The following GDAP2 variants were observed in gnomAD, a reference collection of about 807,000 sequenced individuals.
GDAP2 encodes ganglioside induced differentiation associated protein 2.
A neutral mutation model predicts 67.0 loss-of-function variants in GDAP2; 51 were observed. That is an observed-to-expected ratio of 0.76 (90% CI 0.61 to 0.96). The LOEUF (loss-of-function observed/expected upper bound fraction) is 0.96. Ranked by LOEUF, GDAP2 falls within the 40% of genes least tolerant of loss-of-function variation. The pLI is 0.00. For synonymous variants in GDAP2, 203 were observed against 207.3 expected (o/e 0.98, Z 0.18); for missense variants, 547 against 588.3 (o/e 0.93, Z 0.73).
At position 117,870,165 on chromosome 1, in the gene GDAP2, C is replaced by T. The variant is rs868759236; in HGVS notation, c.*404G>A. ...GCAAACAATGCATCTGGTTAGCATA[C>T]ATTGGTTCTGTATATTTCGAGAATC... On this transcript the variant is annotated 3_prime_UTR_variant, in exon 14 of 14. Transcript: ENST00000369443. 5 of 198,924 alleles carry T rather than the reference C, an allele frequency of 2.5e-5. No homozygotes were observed. In the South Asian group the frequency reaches 5.2e-4, roughly 21 times the overall value. 12.3% of individuals were successfully genotyped at this position (198,924 alleles called of 1,614,324 possible). A position where few individuals can be genotyped will look rare whatever the true frequency, so the allele number is the denominator to read the frequency against.
At chr1:117,881,789 A>G in intron 12 of GDAP2, 34 bp downstream of exon 12, 1 of 1,158,212 alleles carries the variant, frequency 8.6e-7, no homozygotes, top group Non-Finnish European at 1.3e-6. Context: ...GTGCACATAA[A>G]TTCTAGATTT....
chr1:117,883,389 G>T (rs1259945360), intron 11 of GDAP2, 99 bp downstream of exon 11: 2 of 857,112 alleles, frequency 2.3e-6, no homozygotes, highest in Non-Finnish European at 1.9e-6. Context: ...TTTGTTACAT[G>T]AAATATCCTT....
intron 1 of GDAP2, among the ~76,000 whole-genome samples, chr1:117,925,525 T>C (rs1191646505): frequency 6.6e-6 from 1 of 152,206 alleles, no homozygotes; most frequent in African/African-American, 2.4e-5. Flanking sequence ...CAACTTTTGA[T>C]GTAGTTACTA....
In GDAP2 at chr1:117,869,743, A is replaced by C. The variant is rs1486350489; in HGVS notation, c.*826T>G. 6.6e-6 allele frequency: 1 copy of C among 152,636 alleles called. No individual in the cohort carries two copies. Among genetic ancestry groups the C allele is most frequent in the Non-Finnish European group, 1.5e-5 (1 of 68,070 alleles). The allele number at this position is 152,636 out of a possible 1,614,324, so 9.5% of individuals were successfully genotyped here. A position where few individuals can be genotyped will look rare whatever the true frequency, so the allele number is the denominator to read the frequency against. ...GGTAGTAGACCTGATAGCTAAACAAAATCATTCATGACTCTGGAAGACAAC... is the reference window on the plus strand; with the variant it reads ...GGTAGTAGACCTGATAGCTAAACAACATCATTCATGACTCTGGAAGACAAC... On this transcript the variant is annotated 3_prime_UTR_variant, in exon 14 of 14. Coordinates refer to ENST00000369443, the MANE Select transcript of GDAP2 (RefSeq NM_017686.4).
intron 13 of GDAP2, among the ~76,000 whole-genome samples, chr1:117,871,125 C>A (rs1480435378): frequency 6.6e-6 from 1 of 152,162 alleles, no homozygotes; most frequent in Non-Finnish European, 1.5e-5. Flanking sequence ...AAAAAGTTAT[C>A]ACAGAGGAAT....
intron 5 of GDAP2, among the ~76,000 whole-genome samples, chr1:117,911,610 C>A (rs1649857555): frequency 6.6e-6 from 1 of 152,104 alleles, no homozygotes; most frequent in African/African-American, 2.4e-5. Flanking sequence ...ATAGGCAAGT[C>A]TTCTGACCCG....
rs1165286311 is a variant in GDAP2, at chr1:117,878,062, T to C, written c.1393A>G (p.Ile465Val). 7.4e-6 allele frequency: 12 copies of C among 1,611,826 alleles called. No individual in the cohort carries two copies. Among genetic ancestry groups the C allele is most frequent in the African/African-American group, 1.3e-5 (1 of 74,882 alleles). Residue 465 changes from isoleucine (I) to valine (V), a missense_variant, in exon 13 of 14, where the codon ATA (isoleucine) becomes GTA (valine). Transcript: ENST00000369443. ...VDSLHQLFSA[I>V]SPEQIDFPPF... is the part of the protein sequence containing the mutation. ...GGAAAGTCAATCTGTTCTGGTGATA[T>C]GGCAGAAAACAGCTGGTGGAGGCTG...
intron 8 of GDAP2, among the ~76,000 whole-genome samples, chr1:117,894,503 G>A (rs755270866): frequency 3.3e-5 from 5 of 152,174 alleles, no homozygotes; most frequent in Non-Finnish European, 7.3e-5. Flanking sequence ...ATTTAAGAAT[G>A]TCTTCGATGT....
chr1:117,877,808 G>A (rs1648515250), intron 13 of GDAP2: 1 of 1,260,054 alleles, frequency 7.9e-7, no homozygotes, highest in Non-Finnish European at 1.0e-6. Flanking sequence ...ACGTTTATCT[G>A]GAGAAAATGC....
rs953704807 is a variant in GDAP2, at chr1:117,868,541, C to T, written c.*2028G>A. The T allele has an allele frequency of 6.6e-6, 1 of 152,116 alleles. No individual in the cohort carries two copies. Among genetic ancestry groups the T allele is most frequent in the Non-Finnish European group, 1.5e-5 (1 of 68,022 alleles). The allele number at this position is 152,116 out of a possible 1,614,324, so 9.4% of individuals were successfully genotyped here. A position where few individuals can be genotyped will look rare whatever the true frequency, so the allele number is the denominator to read the frequency against. ...ATAAATTTGCTTCCTTTCAAATTGG[C>T]AAAGTAGCTTACGGCCTCTATTATC... On this transcript the variant is annotated 3_prime_UTR_variant, in exon 14 of 14. Coordinates refer to ENST00000369443, the MANE Select transcript of GDAP2 (RefSeq NM_017686.4).
intron 8 of GDAP2, among the ~76,000 whole-genome samples, chr1:117,888,067 C>A (rs113040097): frequency 8.5e-5 from 13 of 152,204 alleles, no homozygotes; most frequent in African/African-American, 3.1e-4. Context: ...TTCAAACTAA[C>A]CTTGTTTTAA....
intron 10 of GDAP2, among the ~76,000 whole-genome samples, chr1:117,885,754 T>C (rs1055046548): frequency 4.6e-5 from 7 of 152,252 alleles, no homozygotes; most frequent in Middle Eastern, 3.4e-3. Flanking sequence ...TTTTTAAGTA[T>C]ACAATTTTTT....
intron 12 of GDAP2, 38 bp downstream of exon 12, chr1:117,881,785 A>C (rs370124365): frequency 5.4e-6 from 6 of 1,116,420 alleles, no homozygotes; most frequent in Non-Finnish European, 8.3e-6. Context: ...TGCAGTGCAC[A>C]TAAATTCTAG....
chr1:117,886,589 T>C lies in GDAP2; in HGVS notation c.1095A>G (p.Ile365Met). ...VVGRNIPVTL[I>M]DMDKALLYFI... ...TTTTATGGCTTACCTTGTCCATATC[T>C]ATTAATGTTACAGGAATGTTTCTTC... The change falls in exon 10 of 14, where the codon ATA becomes ATG. Residue 365 changes from isoleucine (I) to methionine (M), a missense_variant. Transcript: ENST00000369443. 6.5e-7 allele frequency: 1 copy of C among 1,540,492 alleles called. No homozygotes were observed. The highest frequency in any genetic ancestry group is 9.0e-7 in the Non-Finnish European group (1 of 1,113,092).
intron 6 of GDAP2, among the ~76,000 whole-genome samples, chr1:117,905,793 G>C (rs1649633097): frequency 6.6e-6 from 1 of 151,988 alleles, no homozygotes; most frequent in Non-Finnish European, 1.5e-5. Flanking sequence ...AAATTCAAAA[G>C]TACATATATA....
Position 117,870,614 on chromosome 1 carries a change from T to C in GDAP2, c.1449A>G (p.Glu483=). 2 of 1,596,064 alleles carry C rather than the reference T, an allele frequency of 1.3e-6. No homozygotes were observed. The highest frequency in any genetic ancestry group is 1.1e-5 in the South Asian group (1 of 90,638). The change falls in exon 14 of 14, where the codon GAA becomes GAG. Residue 483 remains glutamate (E), a splice_region_variant and synonymous_variant. Transcript: ENST00000369443. ...PPFVLEYDAR[E]NGPYYTSYPP... is the part of the protein sequence containing the mutation. ...GATATGATGTATAGTAAGGCCCGTTTTCCTGTGGAAAGAAAAAAGGAGAAG... is the reference window on the plus strand; with the variant it reads ...GATATGATGTATAGTAAGGCCCGTTCTCCTGTGGAAAGAAAAAAGGAGAAG...
In GDAP2 at chr1:117,866,226, TAAG is replaced by T. The variant is rs1457829740; in HGVS notation, c.*4340_*4342del. 1 of 152,134 alleles carries T rather than the reference TAAG, an allele frequency of 6.6e-6. No individual in the cohort carries two copies. Among genetic ancestry groups the T allele is most frequent in the Non-Finnish European group, 1.5e-5 (1 of 68,022 alleles). 9.4% of individuals were successfully genotyped at this position (152,134 alleles called of 1,614,324 possible). The stretch of plus-strand genomic sequence containing the variant: ...CTCATGAATGAGATTAGTGCCCTTA[TAAG>T]AAGAGACAGGAAAGTAACGATGTCT... On this transcript the variant is annotated 3_prime_UTR_variant, in exon 14 of 14. Transcript: ENST00000369443.
intron 12 of GDAP2, among the ~76,000 whole-genome samples, chr1:117,880,592 G>A (rs570899313): frequency 6.6e-6 from 1 of 152,282 alleles, no homozygotes; most frequent in East Asian, 1.9e-4. Flanking sequence ...CCAGCAAAGC[G>A]GGAGAGGAGA....
chr1:117,893,183 T>C (rs1649151069), intron 8 of GDAP2, among the ~76,000 whole-genome samples: 1 of 152,166 alleles, frequency 6.6e-6, no homozygotes, highest in Non-Finnish European at 1.5e-5. Context: ...CAATTGAATC[T>C]TAAGCCAGTC....
Sources: gnomAD v4.1 joint callset for allele counts (sites outside exome capture counted in the v4.1 genomes callset) on GRCh38, gnomAD v4.1.1 for gene constraint, MANE v1.5 for transcripts, NCBI Gene and HGNC (gene_info 2026-07-23, HGNC 2026-07-21) for gene names.